The following CTNNA2 variants were observed in gnomAD, a reference collection of about 807,000 sequenced individuals.
CTNNA2 encodes the protein catenin alpha-2.
Under a neutral mutation model 101.0 loss-of-function variants are expected in CTNNA2, and 42 were observed. The ratio of observed to expected loss-of-function variants is 0.42; its 90% CI spans 0.32 to 0.54. The LOEUF (loss-of-function observed/expected upper bound fraction) is 0.54, where lower values mean the gene tolerates loss of function less well. Among genes scored for constraint, CTNNA2 ranks in the 20% least tolerant of loss-of-function variants. The pLI is 0.14. For missense variants in CTNNA2, 871 were observed against 1,223.1 expected (o/e 0.71, Z 4.29); for synonymous variants, 450 against 456.4 (o/e 0.99, Z 0.18).
chr2:79,287,509 C>T (rs1027198626), intron 2 of CTNNA2, among the ~76,000 whole-genome samples: 23 of 151,314 alleles, frequency 1.5e-4, no homozygotes, highest in East Asian at 1.9e-4. Context: ...TTGGAGTACC[C>T]GGCCGTGTGA....
At chr2:79,617,247 C>T (rs1288182141) in intron 1 of CTNNA2, among the ~76,000 whole-genome samples, 2 of 152,146 alleles carry the variant, frequency 1.3e-5, no homozygotes. Flanking sequence ...TCCCCATCCT[C>T]TGCCTAGGAG....
At chr2:79,495,487 G>A (rs898965747) in intron 4 of CTNNA2, among the ~76,000 whole-genome samples, 3 of 152,072 alleles carry the variant, frequency 2.0e-5, no homozygotes, top group Admixed American at 6.6e-5. Flanking sequence ...GCAAGGATGC[G>A]GATAAATTGA....
rs1272711948 is a variant in CTNNA2, at chr2:79,447,547, A to G, written c.-134-57507A>G. 2.0e-5 allele frequency among the ~76,000 whole-genome samples: 3 copies of G among 152,062 alleles called. No homozygotes were observed. The East Asian group carries it at 5.8e-4, about 29-fold the overall frequency. ...ACTGGAGATCTAAAGTGACCTTTTAAGGTTAAGCACAGAGCCTCCTAATGA... is the reference window on the plus strand; with the variant it reads ...ACTGGAGATCTAAAGTGACCTTTTAGGGTTAAGCACAGAGCCTCCTAATGA... On this transcript the variant is annotated intron_variant, in intron 4 of 21. Coordinates refer to the CTNNA2 transcript ENST00000466387.
chr2:79,220,551 G>A (rs1208865310), intron 2 of CTNNA2, among the ~76,000 whole-genome samples: 2 of 151,996 alleles, frequency 1.3e-5, no homozygotes, highest in South Asian at 4.2e-4. Context: ...TGGCCCAAGT[G>A]AGAAGGGCCA....
At chr2:80,213,532 G>T (rs111437991) in intron 7 of CTNNA2, among the ~76,000 whole-genome samples, 4,488 of 152,288 alleles carry the variant, frequency 0.029, 233 homozygotes, top group African/African-American at 0.1. Context: ...TTTTGAGTGA[G>T]TTTCTTAATC....
chr2:79,975,330 G>T (rs184761664), intron 7 of CTNNA2, among the ~76,000 whole-genome samples: 1 of 152,120 alleles, frequency 6.6e-6, no homozygotes, highest in African/African-American at 2.4e-5. Context: ...AACAAACTCA[G>T]TTTTTCCTAC....
chr2:80,111,570 G>C (rs1379690251), intron 7 of CTNNA2, among the ~76,000 whole-genome samples: 1 of 152,146 alleles, frequency 6.6e-6, no homozygotes, highest in Non-Finnish European at 1.5e-5. Flanking sequence ...ACAGGATCTA[G>C]CTTCTGTTGC....
intron 1 of CTNNA2, among the ~76,000 whole-genome samples, chr2:79,515,236 T>C (rs1208771756): frequency 4.6e-5 from 7 of 152,234 alleles, no homozygotes; most frequent in Non-Finnish European, 1.0e-4. Flanking sequence ...TTGCATTACT[T>C]AATAGTGAAC....
At chr2:79,386,899 G>T (rs1181596975) in intron 4 of CTNNA2, among the ~76,000 whole-genome samples, 3 of 152,124 alleles carry the variant, frequency 2.0e-5, no homozygotes, top group African/African-American at 7.2e-5. Context: ...ATTATTATTT[G>T]CTAGGTGCAT....
At chr2:80,246,667 C>T (rs1671353255) in intron 7 of CTNNA2, among the ~76,000 whole-genome samples, 1 of 152,136 alleles carries the variant, frequency 6.6e-6, no homozygotes, top group Non-Finnish European at 1.5e-5. Flanking sequence ...TTTGATGTTG[C>T]TCTCTACAGC....
intron 7 of CTNNA2, among the ~76,000 whole-genome samples, chr2:79,962,394 T>C (rs1689704591): frequency 6.6e-6 from 1 of 152,248 alleles, no homozygotes; most frequent in South Asian, 2.1e-4. Context: ...AAGGCATGCC[T>C]CTTAATACTG....
chr2:79,714,682 T>A (rs1685958405), intron 2 of CTNNA2, among the ~76,000 whole-genome samples: 1 of 152,058 alleles, frequency 6.6e-6, no homozygotes, highest in South Asian at 2.1e-4. Flanking sequence ...TGTAGGGCAC[T>A]GGGGGTAAGG....
chr2:79,325,613 G>A (rs1056061502), intron 3 of CTNNA2, among the ~76,000 whole-genome samples: 24 of 152,140 alleles, frequency 1.6e-4, no homozygotes, highest in African/African-American at 5.8e-4. Context: ...TGATAGCAAT[G>A]GAACAATGCT....
intron 3 of CTNNA2, among the ~76,000 whole-genome samples, chr2:79,337,970 G>T (rs34374139): frequency 0.34 from 51,505 of 151,782 alleles, 9,269 homozygotes; most frequent in African/African-American, 0.46. Context: ...TCAGGGCCGG[G>T]CATGGTGGCT....
At chr2:79,843,148 C>A (rs1436986795) in intron 3 of CTNNA2, among the ~76,000 whole-genome samples, 2 of 152,174 alleles carry the variant, frequency 1.3e-5, no homozygotes, top group Non-Finnish European at 2.9e-5. Context: ...ACTGGTTTTG[C>A]CAGCTATTGG....
intron 1 of CTNNA2, among the ~76,000 whole-genome samples, chr2:79,571,262 G>A (rs1401312462): frequency 6.6e-6 from 1 of 152,078 alleles, no homozygotes; most frequent in Non-Finnish European, 1.5e-5. Flanking sequence ...TATCATTCTT[G>A]TAGTCACCCA....
Position 79,929,082 on chromosome 2 carries a change from A to C in CTNNA2, c.1056+19285A>C, listed in dbSNP as rs1273527363. Among the ~76,000 whole-genome samples the C allele has an allele frequency of 3.9e-5, 6 of 152,268 alleles. No individual in the cohort carries two copies. In the East Asian group the frequency reaches 9.7e-4, roughly 25 times the overall value. On this transcript the variant is annotated intron_variant, in intron 7 of 18. Coordinates refer to ENST00000402739, the MANE Select transcript of CTNNA2 (RefSeq NM_001282597.3). ...AGGATAACCTTCCTTTGACAGGGAGATGTGACAGGGACTGGGGCTCCAGCA... is the reference window on the plus strand; with the variant it reads ...AGGATAACCTTCCTTTGACAGGGAGCTGTGACAGGGACTGGGGCTCCAGCA...
intron 11 of CTNNA2, among the ~76,000 whole-genome samples, chr2:80,554,481 T>G (rs1290602073): frequency 1.3e-5 from 2 of 152,194 alleles, no homozygotes; most frequent in Non-Finnish European, 2.9e-5. Context: ...GAAATTTATG[T>G]CTCATGGTTC....
At chr2:80,297,053 T>C (rs6712681) in intron 7 of CTNNA2, among the ~76,000 whole-genome samples, 61,409 of 152,002 alleles carry the variant, frequency 0.4, 12,523 homozygotes, top group East Asian at 0.47. Flanking sequence ...GGCCATTTCT[T>C]CTCCTGGAAC....
Sources: allele counts gnomAD v4.1 joint callset (sites outside exome capture counted in the v4.1 genomes callset), GRCh38; gene constraint gnomAD v4.1.1; transcripts MANE v1.5; gene names NCBI Gene and HGNC (gene_info 2026-07-23, HGNC 2026-07-21).